Variants in TIGD7 observed in about 807,000 individuals in gnomAD.
TIGD7 encodes tigger transposable element derived 7.
Under a neutral mutation model 24.8 loss-of-function variants are expected in TIGD7, and 26 were observed. That is an observed-to-expected ratio of 1.05 (90% CI 0.77 to 1.45). The LOEUF is 1.45. Among genes scored for constraint, TIGD7 ranks in the 40% most tolerant of loss-of-function variants. The pLI is 0.00. For missense variants in TIGD7, 679 were observed against 641.6 expected (o/e 1.06, Z -0.63); for synonymous variants, 221 against 224.1 (o/e 0.99, Z 0.12).
In TIGD7 at chr16:3,299,166, A is replaced by G. The variant is rs1567258080; in HGVS notation, c.1449T>C (p.Ser483=). 6.4e-7 allele frequency: 1 copy of G among 1,557,740 alleles called. No homozygotes were observed. Among genetic ancestry groups the G allele is most frequent in the East Asian group, 2.3e-5 (1 of 42,886 alleles). Residue 483 remains serine, a synonymous_variant, in exon 2 of 2, where the codon AGT becomes AGC. Coordinates refer to ENST00000396862, the MANE Select transcript of TIGD7 (RefSeq NM_033208.4). ...CAACAAAGTCAAGAAGGTAGTCCAA[A>G]CTCTCTCTTACAGCAGATAATTTAA... ...AEFKLSAVRE[S]LDYLLDFVDA...
chr16:3,300,778 G>A lies in TIGD7; in HGVS notation c.-164C>T. ...TGGACTGAAGGGGCTAACCATGACT[G>A]AAGAGCTAGTCTAGAGGTGGAGGTC... On this transcript the variant is annotated 5_prime_UTR_variant, in exon 2 of 2. Coordinates refer to ENST00000396862, the MANE Select transcript of TIGD7 (RefSeq NM_033208.4). 1 of 1,238,350 alleles carries A rather than the reference G, an allele frequency of 8.1e-7. No homozygotes were observed. The highest frequency in any genetic ancestry group is 1.1e-6 in the Non-Finnish European group (1 of 922,894). 76.7% of individuals were successfully genotyped at this position (1,238,350 alleles called of 1,614,324 possible).
rs762577510 is a variant in TIGD7 at position 3,299,363 on chromosome 16, C to T, written c.1252G>A (p.Gly418Arg). 2 of 1,586,956 alleles carry T rather than the reference C, an allele frequency of 1.3e-6. No homozygotes were observed. The highest frequency in any genetic ancestry group is 1.7e-6 in the Non-Finnish European group (2 of 1,167,860). ...PEYDFQGLEHGDYREILEKCG... is the reference protein window; with the variant it reads ...PEYDFQGLEHRDYREILEKCG... ...TTTTCAAGAATTTCTCTATAATCCC[C>T]ATGTTCTAAGCCTTGAAAATCATAT... is the stretch of plus-strand genomic sequence containing the variant. The change falls in exon 2 of 2, where the codon GGG becomes AGG. Residue 418 changes from glycine to arginine, a missense_variant. Transcript: ENST00000396862.
In TIGD7 at chr16:3,299,980, G is replaced by T. The variant is rs757823728; in HGVS notation, c.635C>A (p.Ala212Asp). 1 of 1,613,914 alleles carries T rather than the reference G, an allele frequency of 6.2e-7. No homozygotes were observed. Among genetic ancestry groups the T allele is most frequent in the Non-Finnish European group, 8.5e-7 (1 of 1,180,010 alleles). The change falls in exon 2 of 2, where the codon GCC (alanine) becomes GAC (aspartate). Residue 212 changes from alanine to aspartate, a missense_variant. Physicochemically the swap from Ala to Asp is moderately radical, Grantham distance 126. Transcript: ENST00000396862. ...TCCGTCTGCATTTGCACATAAAAAG[G>T]CAGACAACCTTTCTTTGTTTATTTT... is the stretch of plus-strand genomic sequence containing the variant. Reference protein sequence around the residue: ...GKKINKERLSAFLCANADGTH... With the variant: ...GKKINKERLSDFLCANADGTH...
Position 3,299,988 on chromosome 16 carries a change from CCTTT to C in TIGD7, c.623_626del (p.Glu208GlyfsTer16), listed in dbSNP as rs1567258692. The stretch of plus-strand genomic sequence containing the variant: ...CATTTGCACATAAAAAGGCAGACAA[CCTTT>C]CTTTGTTTATTTTCTTCCCTGGTAG... On this transcript the variant is annotated frameshift_variant, in exon 2 of 2. Coordinates refer to ENST00000396862, the MANE Select transcript of TIGD7 (RefSeq NM_033208.4). LOFTEE classifies it high-confidence loss of function. 6.8e-6 allele frequency: 11 copies of C among 1,613,920 alleles called. No individual in the cohort carries two copies. Among genetic ancestry groups the C allele is most frequent in the Non-Finnish European group, 8.5e-6 (10 of 1,180,024 alleles).
rs1230741897 is a variant in TIGD7 at position 3,299,847 on chromosome 16, C to T, written c.768G>A (p.Trp256Ter). Residue 256 changes from tryptophan (W) to a stop codon, truncating the protein, a stop_gained, in exon 2 of 2, where the codon TGG becomes TGA. Transcript: ENST00000396862. LOFTEE classifies it high-confidence loss of function. ...ATTCTGAAAACAATTCTCTGGTGAA[C>T]CAAACATCTTTACTGGGTTTATATA... ...PVIYKPSKDV[W>*]FTRELFSEWF... 1.3e-6 allele frequency: 2 copies of T among 1,591,970 alleles called. No homozygotes were observed. Among genetic ancestry groups the T allele is most frequent in the South Asian group, 2.3e-5 (2 of 86,788 alleles).
rs2150778846 is a variant in TIGD7 at position 3,299,153 on chromosome 16, G to A, written c.1462C>T (p.Leu488Phe). 3.3e-6 allele frequency: 5 copies of A among 1,528,472 alleles called. No individual in the cohort carries two copies. The highest frequency in any genetic ancestry group is 4.4e-6 in the Non-Finnish European group (5 of 1,142,224). 94.7% of individuals were successfully genotyped at this position (1,528,472 alleles called of 1,614,324 possible). A position where few individuals can be genotyped will look rare whatever the true frequency, so the allele number is the denominator to read the frequency against. The change falls in exon 2 of 2, where the codon CTT becomes TTT. Residue 488 changes from leucine (L) to phenylalanine (F), a missense_variant. Leu to Phe is a conservative substitution (Grantham distance 22). Transcript: ENST00000396862. ...TCAGGTGTGGCATCAACAAAGTCAAGAAGGTAGTCCAAACTCTCTCTTACA... is the reference window on the plus strand; with the variant it reads ...TCAGGTGTGGCATCAACAAAGTCAAAAAGGTAGTCCAAACTCTCTCTTACA... ...SAVRESLDYL[L>F]DFVDATPEFQ...
intron 1 of TIGD7, 123 bp downstream of exon 1, chr16:3,305,089 G>C (rs763302682): frequency 1.8e-4 from 28 of 152,228 alleles, no homozygotes; most frequent in African/African-American, 6.5e-4. Flanking sequence ...CGAGTGGCCC[G>C]ACCCGGACAA....
rs747795559 is a variant in TIGD7, at chr16:3,300,023, T to C, written c.592A>G (p.Ile198Val). The change falls in exon 2 of 2, where the codon ATC becomes GTC. Residue 198 changes from isoleucine (I) to valine (V), a missense_variant. By Grantham distance (29) the Ile-to-Val change is conservative. Coordinates refer to ENST00000396862, the MANE Select transcript of TIGD7 (RefSeq NM_033208.4). ...TTTATTTTCTTCCCTGGTAGGCAGATATCTTTCCTACTTGCCTGAGAATTT... is the reference window on the plus strand; with the variant it reads ...TTTATTTTCTTCCCTGGTAGGCAGACATCTTTCCTACTTGCCTGAGAATTT... Reference protein sequence around the residue: ...PENSQASRKDICLPGKKINKE... With the variant: ...PENSQASRKDVCLPGKKINKE... 2 of 1,614,122 alleles carry C rather than the reference T, an allele frequency of 1.2e-6. No individual in the cohort carries two copies. Among genetic ancestry groups the C allele is most frequent in the African/African-American group, 1.3e-5 (1 of 74,954 alleles).
intron 1 of TIGD7, among the ~76,000 whole-genome samples, chr16:3,303,458 A>C (rs2150781366): frequency 6.6e-6 from 1 of 152,338 alleles, no homozygotes; most frequent in South Asian, 2.1e-4. Flanking sequence ...GCATTGGGCC[A>C]GGTGATGAGA....
rs1466957038 is a variant in TIGD7, at chr16:3,300,960, C to G, written c.-346G>C. ...TGACAGGAATACCTGCATACTTTCC[C>G]TAACTCAATACCGGAAAACGGACAA... On this transcript the variant is annotated 5_prime_UTR_variant, in exon 2 of 2. Transcript: ENST00000396862. 4 of 209,498 alleles carry G rather than the reference C, an allele frequency of 1.9e-5. No individual in the cohort carries two copies. Among genetic ancestry groups the G allele is most frequent in the Non-Finnish European group, 4.2e-5 (4 of 95,944 alleles). The allele number at this position is 209,498 out of a possible 1,614,324, so 13.0% of individuals were successfully genotyped here.
chr16:3,299,510 A>T lies in TIGD7; in HGVS notation c.1105T>A (p.Ser369Thr). ...TTTATATTGTAGATTTTAATTTTGG[A>T]AACTCCTTTATCTCCTTTCTCTTGC... is the stretch of plus-strand genomic sequence containing the variant. The part of the protein sequence containing the change: ...DEQEKGDKGV[S>T]KIKIYNIKSA... The change falls in exon 2 of 2, where the codon TCC (serine) becomes ACC (threonine). Residue 369 changes from serine to threonine, a missense_variant. By Grantham distance (58) the Ser-to-Thr change is moderately conservative. Coordinates refer to ENST00000396862, the MANE Select transcript of TIGD7 (RefSeq NM_033208.4). The T allele has an allele frequency of 6.5e-6, 10 of 1,534,948 alleles. No individual in the cohort carries two copies. The highest frequency in any genetic ancestry group is 7.9e-6 in the Non-Finnish European group (9 of 1,145,200).
Position 3,300,048 on chromosome 16 carries a change from T to A in TIGD7, c.567A>T (p.Glu189Asp). Residue 189 changes from glutamate to aspartate, a missense_variant, in exon 2 of 2, where the codon GAA (glutamate) becomes GAT (aspartate). Physicochemically the swap from Glu to Asp is conservative, Grantham distance 45. Coordinates refer to ENST00000396862, the MANE Select transcript of TIGD7 (RefSeq NM_033208.4). ...ETDLFWKSMP[E>D]NSQASRKDIC... ...TATCTTTCCTACTTGCCTGAGAATT[T>A]TCTGGCATTGACTTCCAAAAGAGGT... The A allele has an allele frequency of 6.2e-7, 1 of 1,614,210 alleles. No individual in the cohort carries two copies. The highest frequency in any genetic ancestry group is 8.5e-7 in the Non-Finnish European group (1 of 1,180,040).
At chr16:3,302,562 TA>T (rs1432812109) in intron 1 of TIGD7, among the ~76,000 whole-genome samples, 1 of 152,130 alleles carries the variant, frequency 6.6e-6, no homozygotes, top group East Asian at 1.9e-4. Flanking sequence ...TGGTAGTAAT[TA>T]GGGGGTGGAG....
At chr16:3,303,988 A>T in intron 1 of TIGD7, 1 of 151,316 alleles carries the variant, frequency 6.6e-6, no homozygotes, top group Non-Finnish European at 1.5e-5. Context: ...GCCCACCACC[A>T]CGCCCGGCTA....
At position 3,298,992 on chromosome 16, in the gene TIGD7, C is replaced by T; in HGVS notation, c.1623G>A (p.Gly541=). 7.7e-7 allele frequency: 1 copy of T among 1,300,806 alleles called. No individual in the cohort carries two copies. The highest frequency in any genetic ancestry group is 3.0e-5 in the Admixed American group (1 of 33,210). 80.6% of individuals were successfully genotyped at this position (1,300,806 alleles called of 1,614,324 possible). Residue 541 remains glycine, a synonymous_variant, in exon 2 of 2, where the codon GGG becomes GGA. Coordinates refer to ENST00000396862, the MANE Select transcript of TIGD7 (RefSeq NM_033208.4). ...AATGATTAGAACCAGAAGTTGAAGG[C>T]CCACTGAAGGAGTCCTTAATATTAT... ...RPHNIKDSFS[G]PSTSGSNH
chr16:3,305,264 C>T lies in TIGD7; in HGVS notation c.-1448G>A, dbSNP rs1149484. 0.77 allele frequency: 116,470 copies of T among 152,246 alleles called. 45,664 individuals carry two copies. Among genetic ancestry groups the T allele is most frequent in the African/African-American group, 0.94 (38,887 of 41,554 alleles). The allele number at this position is 152,246 out of a possible 1,614,324, so 9.4% of individuals were successfully genotyped here. A position where few individuals can be genotyped will look rare whatever the true frequency, so the allele number is the denominator to read the frequency against. The stretch of plus-strand genomic sequence containing the variant: ...GCCCGACAGCCACGCAGAACAGACG[C>T]GGCAGTGCGACGCCTCCCCCACTGG... On this transcript the variant is annotated 5_prime_UTR_variant, in exon 1 of 2. Transcript: ENST00000396862.
chr16:3,300,590 T>A lies in TIGD7; in HGVS notation c.25A>T (p.Thr9Ser). MNKRGKYT[T>S]LNLEEKMKVL... Reference sequence around the variant, plus strand: ...TTCATTTTCTCCTCCAAATTCAGTGTTGTATATTTCCCTCTCTTATTCATA... The same window carrying A: ...TTCATTTTCTCCTCCAAATTCAGTGATGTATATTTCCCTCTCTTATTCATA... Residue 9 changes from threonine to serine, a missense_variant, in exon 2 of 2, where the codon ACA becomes TCA. Thr to Ser is a moderately conservative substitution (Grantham distance 58). Transcript: ENST00000396862. 3 of 1,592,934 alleles carry A rather than the reference T, an allele frequency of 1.9e-6. No homozygotes were observed. The highest frequency in any genetic ancestry group is 2.6e-6 in the Non-Finnish European group (3 of 1,170,986).
Position 3,300,095 on chromosome 16 carries a change from G to A in TIGD7, c.520C>T (p.Leu174=), listed in dbSNP as rs1205610202. The A allele has an allele frequency of 1.9e-6, 3 of 1,614,048 alleles. No individual in the cohort carries two copies. Among genetic ancestry groups the A allele is most frequent in the Middle Eastern group, 1.6e-4 (1 of 6,084 alleles). The change falls in exon 2 of 2, where the codon CTA becomes TTA. Residue 174 remains leucine, a synonymous_variant. Coordinates refer to ENST00000396862, the MANE Select transcript of TIGD7 (RefSeq NM_033208.4). The part of the protein sequence containing the change: ...IKEEKLCLAQ[L]YSGDETDLFW... The stretch of plus-strand genomic sequence containing the variant: ...AGGTCTGTTTCATCCCCACTGTATA[G>A]CTGAGCTAGACACAGTTTCTCCTCT...
At chr16:3,303,299 T>C (rs1959991846) in intron 1 of TIGD7, among the ~76,000 whole-genome samples, 1 of 152,252 alleles carries the variant, frequency 6.6e-6, no homozygotes, top group Non-Finnish European at 1.5e-5. Context: ...AATTTGTGCC[T>C]TGCTGCCTCT....
Sources: gnomAD v4.1 joint callset for allele counts (sites outside exome capture counted in the v4.1 genomes callset) on GRCh38, gnomAD v4.1.1 for gene constraint, MANE v1.5 for transcripts, NCBI Gene and HGNC (gene_info 2026-07-23, HGNC 2026-07-21) for gene names.